The following CRYBB3 variants were observed in gnomAD, a reference collection of about 807,000 sequenced individuals.
The protein encoded by CRYBB3 is crystallin beta B3.
CRYBB3 carries 35 observed loss-of-function variants against 28.3 expected under a neutral mutation model. The observed-to-expected ratio is 1.24, with a 90% CI of 0.95 to 1.64. The LOEUF is 1.64. Ranked by LOEUF, CRYBB3 falls within the 40% of genes most tolerant of loss-of-function variation. CRYBB3 has a pLI of 0.00. For synonymous variants in CRYBB3, 106 were observed against 110.4 expected (o/e 0.96, Z 0.25); for missense variants, 296 against 297.4 (o/e 1.00, Z 0.04).
intron 3 of CRYBB3, 67 bp downstream of exon 3, chr22:25,202,859 C>G: frequency 1.3e-6 from 2 of 1,598,130 alleles, no homozygotes; most frequent in South Asian, 2.2e-5. Flanking sequence ...AGGCCCCAGT[C>G]TGAGCTCTAG....
At chr22:25,206,300 T>C (rs1234851273) in intron 5 of CRYBB3, among the ~76,000 whole-genome samples, 2 of 152,096 alleles carry the variant, frequency 1.3e-5, no homozygotes, top group African/African-American at 2.4e-5. Context: ...TCCCAGCACT[T>C]TGGGAGGCCG....
At chr22:25,202,418 T>G (rs915385878) in intron 2 of CRYBB3, among the ~76,000 whole-genome samples, 1 of 152,228 alleles carries the variant, frequency 6.6e-6, no homozygotes, top group African/African-American at 2.4e-5. Context: ...TCGGGTTATT[T>G]CAGTCCGCTG....
intron 1 of CRYBB3, 25 bp from the exon 2 acceptor site, chr22:25,201,352 T>C: frequency 6.2e-7 from 1 of 1,610,582 alleles, no homozygotes; most frequent in Non-Finnish European, 8.5e-7. Context: ...GTGGATCCAG[T>C]GAACCATTTT....
chr22:25,202,691 A>G lies in CRYBB3; in HGVS notation c.93A>G (p.Leu31=), dbSNP rs1467628249. 2 of 1,614,052 alleles carry G rather than the reference A, an allele frequency of 1.2e-6. No individual in the cohort carries two copies. The highest frequency in any genetic ancestry group is 1.7e-6 in the Non-Finnish European group (2 of 1,179,952). The change falls in exon 3 of 6, where the codon CTA becomes CTG. Residue 31 remains leucine, a synonymous_variant. Transcript: ENST00000215855. ...TCTTCTAGGTGATCTTGTACGAACT[A>G]GAGAACTTCCAAGGCAAACGCTGCG... The part of the protein sequence containing the change: ...GGSYKVILYE[L]ENFQGKRCEL...
intron 3 of CRYBB3, among the ~76,000 whole-genome samples, chr22:25,203,038 G>A (rs549371321): frequency 4.6e-5 from 7 of 152,316 alleles, no homozygotes; most frequent in African/African-American, 1.7e-4. Context: ...CTCAGTGACT[G>A]GAACATGGGA....
Position 25,201,477 on chromosome 22 carries a change from G to A in CRYBB3, c.75+6G>A, listed in dbSNP as rs2146072013. 1 of 1,612,304 alleles carries A rather than the reference G, an allele frequency of 6.2e-7. No homozygotes were observed. The highest frequency in any genetic ancestry group is 1.7e-5 in the Admixed American group (1 of 59,962). Reference sequence around the variant, plus strand: ...ACCTTGGGGGCAGCTACAAGGTACTGGGCAGGGAGGGGGTCAGAGGGCCCA... The same window carrying A: ...ACCTTGGGGGCAGCTACAAGGTACTAGGCAGGGAGGGGGTCAGAGGGCCCA... On this transcript the variant is annotated splice_donor_region_variant and intron_variant, in intron 2 of 5. Coordinates refer to ENST00000215855, the MANE Select transcript of CRYBB3 (RefSeq NM_004076.5).
chr22:25,207,119 G>A lies in CRYBB3; in HGVS notation c.543G>A (p.Trp181Ter), dbSNP rs755626231. 1 of 1,613,660 alleles carries A rather than the reference G, an allele frequency of 6.2e-7. No individual in the cohort carries two copies. The change falls in exon 6 of 6, where the codon TGG becomes TGA. Residue 181 changes from tryptophan to a stop codon, truncating the protein, a stop_gained. Transcript: ENST00000215855. LOFTEE classifies it high-confidence loss of function. ...YVFERGEYRH[W>*]NEWDASQPQL... ...TTGAGCGGGGCGAGTACCGCCACTG[G>A]AATGAGTGGGACGCCAGCCAGCCGC...
chr22:25,201,341 G>C, intron 1 of CRYBB3, 36 bp from the exon 2 acceptor site: 1 of 1,607,996 alleles, frequency 6.2e-7, no homozygotes, highest in African/African-American at 1.3e-5. Context: ...GCTTCTCCCG[G>C]GTGGATCCAG....
At chr22:25,200,900 T>A (rs1934934880) in intron 1 of CRYBB3, among the ~76,000 whole-genome samples, 1 of 152,108 alleles carries the variant, frequency 6.6e-6, no homozygotes, top group South Asian at 2.1e-4. Context: ...CATGGAATAT[T>A]TGTTGAATAA....
rs3064261 is a variant in CRYBB3, at chr22:25,201,744, C to CAT, written c.75+273_75+274insAT. ...AGAGAGGCCCGGGGGTTTCTGGAAACGGCTCTGAGCTCTGACTCTCCTGTC... is the reference window on the plus strand; with the variant it reads ...AGAGAGGCCCGGGGGTTTCTGGAAACATGGCTCTGAGCTCTGACTCTCCTGTC... On this transcript the variant is annotated intron_variant, in intron 2 of 5. Transcript: ENST00000215855. Among the ~76,000 whole-genome samples, 74,186 of 151,746 alleles carry CAT rather than the reference C, an allele frequency of 0.49. 19,196 individuals are homozygous for CAT. The highest frequency in any genetic ancestry group is 0.65 in the African/African-American group (26,841 of 41,352).
chr22:25,204,137 G>A (rs529648288), intron 4 of CRYBB3, among the ~76,000 whole-genome samples: 1 of 152,144 alleles, frequency 6.6e-6, no homozygotes, highest in Non-Finnish European at 1.5e-5. Context: ...CATAGCACTG[G>A]GACTTTTCTT....
intron 4 of CRYBB3, 152 bp downstream of exon 4, chr22:25,204,047 T>C (rs925135274): frequency 9.1e-6 from 9 of 983,688 alleles, no homozygotes; most frequent in Non-Finnish European, 1.4e-5. Context: ...TGAACAATTG[T>C]GTGGGACAAG....
chr22:25,201,663 T>A (rs1248052327), intron 2 of CRYBB3, among the ~76,000 whole-genome samples, 192 bp downstream of exon 2: 1 of 152,184 alleles, frequency 6.6e-6, no homozygotes, highest in Admixed American at 6.5e-5. Flanking sequence ...TTGCTGCATC[T>A]TCCCTCGTCT....
intron 2 of CRYBB3, 69 bp downstream of exon 2, chr22:25,201,540 G>A: frequency 6.3e-7 from 1 of 1,592,254 alleles, no homozygotes; most frequent in East Asian, 2.3e-5. Flanking sequence ...TCCCAGCCAA[G>A]CAGCACCTCT....
rs560237354 is a variant in CRYBB3 at position 25,201,685 on chromosome 22, A to G, written c.75+214A>G. Among the ~76,000 whole-genome samples, 6 of 152,284 alleles carry G rather than the reference A, an allele frequency of 3.9e-5. No homozygotes were observed. In the East Asian group the frequency reaches 1.2e-3, roughly 29 times the overall value. On this transcript the variant is annotated intron_variant, in intron 2 of 5. Coordinates refer to ENST00000215855, the MANE Select transcript of CRYBB3 (RefSeq NM_004076.5). ...ATCTTCCCTCGTCTGCAAAACAGAA[A>G]TGGTCACCCACATCCTGCCTGCACC...
At chr22:25,203,115 C>T (rs139828191) in intron 3 of CRYBB3, among the ~76,000 whole-genome samples, 14 of 152,244 alleles carry the variant, frequency 9.2e-5, no homozygotes, top group African/African-American at 2.9e-4. Flanking sequence ...GTCATTGAAT[C>T]GTCATGACCC....
At chr22:25,205,550 C>A (rs1935018975) in intron 5 of CRYBB3, among the ~76,000 whole-genome samples, 188 bp downstream of exon 5, 1 of 152,194 alleles carries the variant, frequency 6.6e-6, no homozygotes, top group South Asian at 2.1e-4. Context: ...AGCTCCGCCT[C>A]CCGGGTTCAT....
At chr22:25,205,096 TGCA>T in intron 4 of CRYBB3, 121 bp from the exon 5 acceptor site, 1 of 1,307,670 alleles carries the variant, frequency 7.6e-7, no homozygotes, top group Non-Finnish European at 1.1e-6. Flanking sequence ...CCTTCCCTCC[TGCA>T]GCAGGTTTGG....
At chr22:25,204,181 C>G (rs548497321) in intron 4 of CRYBB3, among the ~76,000 whole-genome samples, 18 of 152,298 alleles carry the variant, frequency 1.2e-4, no homozygotes, top group African/African-American at 4.3e-4. Context: ...CCACATGGCC[C>G]AGTCTCAAAT....
Sources: allele counts gnomAD v4.1 joint callset (sites outside exome capture counted in the v4.1 genomes callset), GRCh38; gene constraint gnomAD v4.1.1; transcripts MANE v1.5; gene names NCBI Gene and HGNC (gene_info 2026-07-23, HGNC 2026-07-21).